Variants in ZNF653 observed in about 807,000 individuals in gnomAD.
The protein encoded by ZNF653 is zinc finger protein 653.
Under a neutral mutation model 59.9 loss-of-function variants are expected in ZNF653, and 37 were observed. The ratio of observed to expected loss-of-function variants is 0.62; its 90% CI spans 0.48 to 0.81. The LOEUF (loss-of-function observed/expected upper bound fraction) is 0.81, where lower values mean the gene tolerates loss of function less well. ZNF653 is among the 40% of genes least tolerant of loss of function. ZNF653 has a pLI of 0.00. For synonymous variants in ZNF653, 435 were observed against 371.8 expected (o/e 1.17, Z -1.96); for missense variants, 808 against 881.1 (o/e 0.92, Z 1.05).
rs1971515142 is a variant in ZNF653 at position 11,490,111 on chromosome 19, G to A, written c.560-2208C>T. On this transcript the variant is annotated intron_variant, in intron 3 of 8. Transcript: ENST00000293771. ...GGCTACCCTGTATGTCTGACCAATGGGCTCTAAATGGGGGGTTTCCATGAC... is the reference window on the plus strand; with the variant it reads ...GGCTACCCTGTATGTCTGACCAATGAGCTCTAAATGGGGGGTTTCCATGAC... Among the ~76,000 whole-genome samples the A allele has an allele frequency of 2.6e-5, 4 of 152,284 alleles. No homozygotes were observed. The South Asian group carries it at 8.3e-4, about 32-fold the overall frequency.
At chr19:11,486,419 C>G (rs557485411) in intron 6 of ZNF653, among the ~76,000 whole-genome samples, 32 of 152,240 alleles carry the variant, frequency 2.1e-4, no homozygotes, top group African/African-American at 7.2e-4. Context: ...AGTGGCAGGA[C>G]TGGGACTGGA....
chr19:11,485,908 C>T (rs1971460975), intron 6 of ZNF653, 138 bp from the exon 7 acceptor site: 3 of 665,746 alleles, frequency 4.5e-6, no homozygotes, highest in Non-Finnish European at 8.1e-6. Flanking sequence ...CCTTGCCCAG[C>T]TCAGAGATTC....
At chr19:11,502,574 T>C (rs767683227) in intron 1 of ZNF653, among the ~76,000 whole-genome samples, 9 of 152,134 alleles carry the variant, frequency 5.9e-5, no homozygotes, top group Non-Finnish European at 1.3e-4. Flanking sequence ...GTGTGACTTG[T>C]AGTCCCAGCT....
intron 6 of ZNF653, among the ~76,000 whole-genome samples, chr19:11,486,161 G>A (rs1248370873): frequency 1.1e-4 from 16 of 152,070 alleles, no homozygotes; most frequent in Admixed American, 2.0e-4. Context: ...GGGTTTCACC[G>A]TGTTAACCAG....
chr19:11,505,752 G>C lies in ZNF653; in HGVS notation c.35C>G (p.Ala12Gly). ...AERALEPEAEAEAEAGAGGEA... is the reference protein window; with the variant it reads ...AERALEPEAEGEAEAGAGGEA... The stretch of plus-strand genomic sequence containing the variant: ...CCCGCCCGCGCCCGCCTCAGCCTCC[G>C]CCTCCGCCTCGGGCTCTAGCGCCCG... Residue 12 changes from alanine to glycine, a missense_variant, in exon 1 of 9, where the codon GCG becomes GGG. Transcript: ENST00000293771. The C allele has an allele frequency of 7.2e-7, 1 of 1,384,384 alleles. No individual in the cohort carries two copies. Among genetic ancestry groups the C allele is most frequent in the Non-Finnish European group, 9.3e-7 (1 of 1,079,394 alleles). 85.8% of individuals were successfully genotyped at this position (1,384,384 alleles called of 1,614,324 possible).
At chr19:11,493,639 G>A (rs772345113) in intron 3 of ZNF653, among the ~76,000 whole-genome samples, 1 of 152,192 alleles carries the variant, frequency 6.6e-6, no homozygotes, top group Non-Finnish European at 1.5e-5. Flanking sequence ...GGAAGGGCCA[G>A]AGCACGCGTC....
At chr19:11,499,577 C>A (rs1184078948) in intron 1 of ZNF653, among the ~76,000 whole-genome samples, 1 of 139,486 alleles carries the variant, frequency 7.2e-6, no homozygotes, top group Admixed American at 7.5e-5. Flanking sequence ...CCAGCCTGGG[C>A]AACATAGCAA....
At chr19:11,499,687 G>A (rs1971624389) in intron 1 of ZNF653, among the ~76,000 whole-genome samples, 1 of 151,590 alleles carries the variant, frequency 6.6e-6, no homozygotes, top group Non-Finnish European at 1.5e-5. Context: ...TAAGACGGGT[G>A]CATCGCTTGA....
chr19:11,501,605 A>C (rs1971645131), intron 1 of ZNF653, among the ~76,000 whole-genome samples: 1 of 152,078 alleles, frequency 6.6e-6, no homozygotes, highest in Admixed American at 6.6e-5. Context: ...CTCCCATCAC[A>C]GTCACCAGTG....
chr19:11,486,281 T>A (rs1971464871), intron 6 of ZNF653, among the ~76,000 whole-genome samples: 1 of 152,148 alleles, frequency 6.6e-6, no homozygotes, highest in African/African-American at 2.4e-5. Context: ...ATTGAACACC[T>A]ACTATATGCC....
chr19:11,489,044 C>G (rs537919654), intron 3 of ZNF653, among the ~76,000 whole-genome samples: 1 of 149,524 alleles, frequency 6.7e-6, no homozygotes, highest in Admixed American at 6.7e-5. Flanking sequence ...GGATTACAGG[C>G]GTGCACCACC....
intron 1 of ZNF653, chr19:11,504,516 A>T: frequency 1.0e-6 from 1 of 985,444 alleles, no homozygotes; most frequent in Non-Finnish European, 1.2e-6. Flanking sequence ...TTGCGCTCCC[A>T]GCATTTCCAG....
chr19:11,504,614 G>A (rs1599570844), intron 1 of ZNF653: 1 of 969,918 alleles, frequency 1.0e-6, no homozygotes, highest in East Asian at 1.1e-4. Context: ...TTGACTCTCA[G>A]AATCTCCCCC....
chr19:11,500,989 C>A (rs1971638076), intron 1 of ZNF653, among the ~76,000 whole-genome samples: 1 of 152,108 alleles, frequency 6.6e-6, no homozygotes, highest in Non-Finnish European at 1.5e-5. Flanking sequence ...TCTGTGACTC[C>A]CAGCAGAGGC....
chr19:11,494,954 TG>T (rs1971569645), intron 3 of ZNF653, among the ~76,000 whole-genome samples: 1 of 152,110 alleles, frequency 6.6e-6, no homozygotes, highest in South Asian at 2.1e-4. Flanking sequence ...GATCATGGGA[TG>T]GGGCAGCCGA....
intron 7 of ZNF653, 93 bp downstream of exon 7, chr19:11,485,563 G>T: frequency 1.0e-6 from 1 of 961,440 alleles, no homozygotes; most frequent in Non-Finnish European, 1.7e-6. Flanking sequence ...CGGAGACCCA[G>T]CACTGGGCTT....
chr19:11,505,231 C>A (rs1231904080), intron 1 of ZNF653: 2 of 425,870 alleles, frequency 4.7e-6, no homozygotes, highest in Non-Finnish European at 8.3e-6. Context: ...AGAGTTCTAG[C>A]GGGCGGGGCC....
At position 11,487,810 on chromosome 19, in the gene ZNF653, G is replaced by T; in HGVS notation, c.653C>A (p.Ala218Asp). 6.2e-7 allele frequency: 1 copy of T among 1,612,196 alleles called. No individual in the cohort carries two copies. Among genetic ancestry groups the T allele is most frequent in the African/African-American group, 1.3e-5 (1 of 75,002 alleles). Residue 218 changes from alanine to aspartate, a missense_variant, in exon 4 of 9, where the codon GCT becomes GAT. By Grantham distance (126) the Ala-to-Asp change is moderately radical (BLOSUM62 -2). Coordinates refer to ENST00000293771, the MANE Select transcript of ZNF653 (RefSeq NM_138783.4). The surrounding 1 kb of genome is among the most constrained non-coding windows in gnomAD (Gnocchi z 5.1). ...EESPEGQPVK[A>D]AAAAAAATPT... ...CGTCGCTGCCGCTGCCGCTGCCGCA[G>T]CCTTGACCGGCTGGCCCTCAGGAGA...
chr19:11,496,191 G>C, intron 2 of ZNF653, 26 bp from the exon 3 acceptor site: 11 of 1,608,280 alleles, frequency 6.8e-6, no homozygotes, highest in Non-Finnish European at 9.3e-6. Context: ...CGAGGAGTGG[G>C]TATAAGGGAC....
Sources: gnomAD v4.1 joint callset for allele counts (sites outside exome capture counted in the v4.1 genomes callset) on GRCh38, gnomAD v4.1.1 for gene constraint, Gnocchi (gnomAD v3.1) non-coding constraint, MANE v1.5 for transcripts, NCBI Gene and HGNC (gene_info 2026-07-23, HGNC 2026-07-21) for gene names.